The following CEMIP variants were observed in gnomAD, a reference collection of about 807,000 sequenced individuals.
The protein encoded by CEMIP is cell migration inducing hyaluronidase 1.
CEMIP carries 105 observed loss-of-function variants against 156.9 expected under a neutral mutation model. The observed-to-expected ratio is 0.67, with a 90% CI of 0.57 to 0.79. The LOEUF is 0.79. CEMIP is among the 30% of genes least tolerant of loss of function. The pLI is 0.00. For missense variants in CEMIP, 1,457 were observed against 1,769.4 expected (o/e 0.82, Z 3.17); for synonymous variants, 676 against 668.4 (o/e 1.01, Z -0.17).
intron 1 of CEMIP, among the ~76,000 whole-genome samples, chr15:80,840,951 A>C (rs1021546409): frequency 6.6e-6 from 1 of 152,154 alleles, no homozygotes; most frequent in Non-Finnish European, 1.5e-5. Flanking sequence ...CTCTGTCCTC[A>C]CTGGCCACAA....
chr15:80,942,071 A>G lies in CEMIP; in HGVS notation c.3612+18A>G, dbSNP rs771171905. 1 of 1,610,840 alleles carries G rather than the reference A, an allele frequency of 6.2e-7. No homozygotes were observed. The highest frequency in any genetic ancestry group is 8.5e-7 in the Non-Finnish European group (1 of 1,177,960). On this transcript the variant is annotated intron_variant, in intron 26 of 29. Transcript: ENST00000394685. The stretch of plus-strand genomic sequence containing the variant: ...CTCAGCTGGTGAGTGGCTGAGAGCA[A>G]AGCCTAGACCCCTTTGCCGTCCAGT...
chr15:80,785,499 A>G (rs1055009822), intron 1 of CEMIP, among the ~76,000 whole-genome samples: 1 of 152,194 alleles, frequency 6.6e-6, no homozygotes, highest in Admixed American at 6.5e-5. Flanking sequence ...TCTATGAGGC[A>G]GGCCCTGAAT....
intron 17 of CEMIP, among the ~76,000 whole-genome samples, chr15:80,923,788 G>C (rs926506665): frequency 1.3e-5 from 2 of 152,178 alleles, no homozygotes; most frequent in Non-Finnish European, 1.5e-5. Context: ...TAACCATCCT[G>C]TGACATAGGT....
intron 3 of CEMIP, among the ~76,000 whole-genome samples, chr15:80,875,272 G>C (rs756592419): frequency 6.6e-6 from 1 of 151,840 alleles, no homozygotes; most frequent in Admixed American, 6.6e-5. Flanking sequence ...TAGGCTCAAG[G>C]GATCCTTCAG....
At chr15:80,796,912 A>G (rs1896243589) in intron 1 of CEMIP, among the ~76,000 whole-genome samples, 2 of 152,138 alleles carry the variant, frequency 1.3e-5, no homozygotes, top group South Asian at 4.1e-4. Context: ...GAACCTTACA[A>G]AGTATAGTAA....
At chr15:80,819,703 G>T (rs1896867325) in intron 1 of CEMIP, among the ~76,000 whole-genome samples, 1 of 152,198 alleles carries the variant, frequency 6.6e-6, no homozygotes, top group African/African-American at 2.4e-5. Flanking sequence ...AGGAAAGAAA[G>T]GATCTTCTCT....
intron 1 of CEMIP, among the ~76,000 whole-genome samples, chr15:80,853,861 T>C (rs1036306400): frequency 6.6e-6 from 1 of 152,286 alleles, no homozygotes; most frequent in Non-Finnish European, 1.5e-5. Context: ...TAATATGTGA[T>C]GCACGAGCAT....
chr15:80,856,263 T>A (rs1049210869), intron 1 of CEMIP, among the ~76,000 whole-genome samples: 1 of 152,222 alleles, frequency 6.6e-6, no homozygotes, highest in African/African-American at 2.4e-5. Flanking sequence ...TTTATTTACA[T>A]GTAAAATTTC....
intron 1 of CEMIP, among the ~76,000 whole-genome samples, chr15:80,854,375 C>T (rs1897792347): frequency 6.6e-6 from 1 of 152,224 alleles, no homozygotes; most frequent in African/African-American, 2.4e-5. Context: ...TCCTGGGAGA[C>T]CAGGCTGAAG....
chr15:80,884,246 G>C lies in CEMIP; in HGVS notation c.689G>C (p.Arg230Thr), dbSNP rs1053892693. ...VQYLNAVPDG[R>T]ILSVAVNDEG... is the part of the protein sequence containing the mutation. ...TATTTGAACGCGGTGCCCGATGGCA[G>C]GATCCTTTCTGTTGCAGTGAATGAT... is the stretch of plus-strand genomic sequence containing the variant. The change falls in exon 7 of 30, where the codon AGG (arginine) becomes ACG (threonine). Residue 230 changes from arginine to threonine, a missense_variant. Coordinates refer to ENST00000394685, the MANE Select transcript of CEMIP (RefSeq NM_001293298.2). 2 of 1,614,106 alleles carry C rather than the reference G, an allele frequency of 1.2e-6. No individual in the cohort carries two copies. Among genetic ancestry groups the C allele is most frequent in the East Asian group, 2.2e-5 (1 of 44,896 alleles).
intron 11 of CEMIP, among the ~76,000 whole-genome samples, 167 bp from the exon 12 acceptor site, chr15:80,895,702 C>A (rs561155602): frequency 6.6e-6 from 1 of 152,104 alleles, no homozygotes; most frequent in Admixed American, 6.5e-5. Context: ...TTTTTGTTGA[C>A]TTCAAAAACC....
At chr15:80,909,073 T>A (rs1174029310) in intron 13 of CEMIP, 24 bp from the exon 14 acceptor site, 3 of 1,611,460 alleles carry the variant, frequency 1.9e-6, no homozygotes, top group Non-Finnish European at 2.5e-6. Context: ...TGGGCTCCTC[T>A]GACTCTCGGT....
At chr15:80,822,883 C>T (rs2141657575) in intron 1 of CEMIP, among the ~76,000 whole-genome samples, 1 of 152,292 alleles carries the variant, frequency 6.6e-6, no homozygotes, top group Admixed American at 6.5e-5. Context: ...CACTCTTGAG[C>T]TTTTCAAACA....
intron 1 of CEMIP, among the ~76,000 whole-genome samples, chr15:80,788,639 C>T (rs1487205497): frequency 6.6e-6 from 1 of 152,154 alleles, no homozygotes; most frequent in Non-Finnish European, 1.5e-5. Context: ...AGGAAAACCT[C>T]AAACATAGTG....
intron 19 of CEMIP, among the ~76,000 whole-genome samples, chr15:80,926,164 G>C (rs1257535733): frequency 6.6e-6 from 1 of 152,206 alleles, no homozygotes; most frequent in African/African-American, 2.4e-5. Flanking sequence ...CTCCATTTTA[G>C]AGACGATAAA....
chr15:80,803,414 T>G (rs1896428739), intron 1 of CEMIP, among the ~76,000 whole-genome samples: 1 of 152,066 alleles, frequency 6.6e-6, no homozygotes, highest in East Asian at 1.9e-4. Flanking sequence ...GACCCAAAGT[T>G]CTAGGCACTG....
intron 24 of CEMIP, among the ~76,000 whole-genome samples, 187 bp downstream of exon 24, chr15:80,937,072 T>C (rs1901154893): frequency 1.3e-5 from 2 of 152,242 alleles, no homozygotes; most frequent in Non-Finnish European, 1.5e-5. Flanking sequence ...CGCTCCAGCA[T>C]GGGTAACCTT....
intron 1 of CEMIP, among the ~76,000 whole-genome samples, chr15:80,842,534 C>T (rs769199955): frequency 6.6e-6 from 1 of 152,066 alleles, no homozygotes; most frequent in Non-Finnish European, 1.5e-5. Context: ...GAGTTTGAGA[C>T]CAGCCTGGCC....
intron 1 of CEMIP, among the ~76,000 whole-genome samples, chr15:80,802,077 T>C (rs1219897553): frequency 6.6e-6 from 1 of 152,240 alleles, no homozygotes; most frequent in East Asian, 1.9e-4. Flanking sequence ...TGTACTATTG[T>C]ACTTGGAAGT....
Sources: allele counts gnomAD v4.1 joint callset (sites outside exome capture counted in the v4.1 genomes callset), GRCh38; gene constraint gnomAD v4.1.1; transcripts MANE v1.5; gene names NCBI Gene and HGNC (gene_info 2026-07-23, HGNC 2026-07-21).